The following ATE1 variants were observed in gnomAD, a reference collection of about 807,000 sequenced individuals.
ATE1 encodes arginyltransferase 1, also known as arginyl-tRNA--protein transferase 1.
Under a neutral mutation model 70.5 loss-of-function variants are expected in ATE1, and 36 were observed. That is an observed-to-expected ratio of 0.51 (90% CI 0.39 to 0.67). ATE1 has a LOEUF of 0.67. Ranked by LOEUF, ATE1 falls within the 30% of genes least tolerant of loss-of-function variation. ATE1 has a pLI of 0.00. For synonymous variants in ATE1, 232 were observed against 219.3 expected (o/e 1.06, Z -0.51); for missense variants, 593 against 629.5 (o/e 0.94, Z 0.62).
chr10:121,861,831 G>A (rs1564905443), intron 8 of ATE1, among the ~76,000 whole-genome samples: 3 of 151,696 alleles, frequency 2.0e-5, no homozygotes, highest in East Asian at 3.9e-4. Flanking sequence ...CTGAAGTACC[G>A]TAAGCCCTCA....
At chr10:121,811,708 A>C (rs1947325001) in intron 10 of ATE1, among the ~76,000 whole-genome samples, 1 of 152,212 alleles carries the variant, frequency 6.6e-6, no homozygotes. Context: ...AGAATTCAGC[A>C]AAACTCCTGG....
chr10:121,902,538 C>A lies in ATE1; in HGVS notation c.666G>T (p.Gln222His). The part of the protein sequence containing the change: ...RKERKRLKLM[Q>H]QNPAGELEGF... ...CCTCAAGTTCTCCAGCTGGGTTCTGCTGCATTAGTTTTAACCTTTTCCTTT... is the reference window on the plus strand; with the variant it reads ...CCTCAAGTTCTCCAGCTGGGTTCTGATGCATTAGTTTTAACCTTTTCCTTT... The change falls in exon 6 of 12, where the codon CAG becomes CAT. Residue 222 changes from glutamine to histidine, a missense_variant. Physicochemically the swap from Gln to His is conservative, Grantham distance 24. Around this residue, in one of 3 missense-constraint regions of ATE1, gnomAD observed 467 missense variants for 469.6 expected, o/e 0.99. Transcript: ENST00000224652. The A allele has an allele frequency of 6.2e-7, 1 of 1,614,196 alleles. No homozygotes were observed. Among genetic ancestry groups the A allele is most frequent in the Non-Finnish European group, 8.5e-7 (1 of 1,180,038 alleles).
In ATE1 at chr10:121,917,579, G is replaced by A. The variant is rs1951711179; in HGVS notation, c.234-3686C>T. Among the ~76,000 whole-genome samples, 3 of 151,908 alleles carry A rather than the reference G, an allele frequency of 2.0e-5. No individual in the cohort carries two copies. The South Asian group carries it at 6.2e-4, about 31-fold the overall frequency. On this transcript the variant is annotated intron_variant, in intron 3 of 11. Transcript: ENST00000224652. ...ATGTGGCAGGGAAACAGGGATAAGA[G>A]AAAACTAAATCCTTATCTTCCACAG...
At chr10:121,790,962 A>ATGTGTG (rs10670497) in intron 10 of ATE1, among the ~76,000 whole-genome samples, 384 of 150,962 alleles carry the variant, frequency 2.5e-3, no homozygotes, top group African/African-American at 6.9e-3. Context: ...GTATATATAT[A>ATGTGTG]TGTGTGTGTA....
At chr10:121,850,250 T>C (rs1326117872) in intron 8 of ATE1, among the ~76,000 whole-genome samples, 2 of 152,134 alleles carry the variant, frequency 1.3e-5, no homozygotes, top group African/African-American at 4.8e-5. Flanking sequence ...ACCTGTTTTT[T>C]AAAAAGAATC....
At chr10:121,869,078 C>G (rs559169197) in intron 8 of ATE1, among the ~76,000 whole-genome samples, 6 of 152,318 alleles carry the variant, frequency 3.9e-5, no homozygotes, top group African/African-American at 1.4e-4. Context: ...AGTCTCATCA[C>G]GTGGAGCTGA....
chr10:121,910,325 A>T (rs1951369719), intron 5 of ATE1, among the ~76,000 whole-genome samples: 1 of 152,218 alleles, frequency 6.6e-6, no homozygotes, highest in Non-Finnish European at 1.5e-5. Flanking sequence ...TTCACGAAAT[A>T]ATTTTAAAAG....
chr10:121,870,547 A>G lies in ATE1; in HGVS notation c.943-509T>C, dbSNP rs546586967. 1.4e-4 allele frequency among the ~76,000 whole-genome samples: 21 copies of G among 152,232 alleles called. No homozygotes were observed. In the South Asian group the frequency reaches 3.1e-3, roughly 23 times the overall value. On this transcript the variant is annotated intron_variant, in intron 7 of 11. Coordinates refer to ENST00000224652, the MANE Select transcript of ATE1 (RefSeq NM_001001976.3). ...AAGAAGGTGAGGTTTTAGCTCCACAATTTGGCATCTCATCTGTGGTCTTTA... is the reference window on the plus strand; with the variant it reads ...AAGAAGGTGAGGTTTTAGCTCCACAGTTTGGCATCTCATCTGTGGTCTTTA...
At chr10:121,901,648 G>C (rs1413508875) in intron 6 of ATE1, among the ~76,000 whole-genome samples, 1 of 152,014 alleles carries the variant, frequency 6.6e-6, no homozygotes, top group African/African-American at 2.4e-5. Flanking sequence ...TAGAGACGGG[G>C]TTTCACTGTG....
At chr10:121,744,477 A>G (rs1944267585) in intron 11 of ATE1, among the ~76,000 whole-genome samples, 1 of 152,100 alleles carries the variant, frequency 6.6e-6, no homozygotes, top group South Asian at 2.1e-4. Flanking sequence ...CTGGCACATG[A>G]TAAAGTTTAC....
At chr10:121,778,439 C>A (rs1420036917) in intron 11 of ATE1, among the ~76,000 whole-genome samples, 5 of 152,076 alleles carry the variant, frequency 3.3e-5, no homozygotes, top group Non-Finnish European at 4.4e-5. Flanking sequence ...CTTCATGCTC[C>A]TTTATGTTCA....
intron 8 of ATE1, among the ~76,000 whole-genome samples, chr10:121,861,185 C>T (rs1949453688): frequency 6.6e-6 from 1 of 152,088 alleles, no homozygotes; most frequent in African/African-American, 2.4e-5. Flanking sequence ...GGAAGACTGA[C>T]CCAGCCAAAA....
intron 7 of ATE1, among the ~76,000 whole-genome samples, chr10:121,886,762 C>A (rs1294260685): frequency 6.6e-6 from 1 of 152,144 alleles, no homozygotes; most frequent in Non-Finnish European, 1.5e-5. Context: ...TAGGGTAAAA[C>A]TGGTTTCCTT....
At chr10:121,763,352 C>A (rs1945135049) in intron 11 of ATE1, among the ~76,000 whole-genome samples, 1 of 152,062 alleles carries the variant, frequency 6.6e-6, no homozygotes, top group African/African-American at 2.4e-5. Flanking sequence ...CAAGTGGAAA[C>A]AACAAACATG....
chr10:121,876,253 C>T (rs1590598640), intron 7 of ATE1, among the ~76,000 whole-genome samples: 1 of 152,192 alleles, frequency 6.6e-6, no homozygotes, highest in African/African-American at 2.4e-5. Flanking sequence ...CCATAAAACA[C>T]TAATATGCAG....
At chr10:121,799,128 T>G (rs1027009865) in intron 10 of ATE1, among the ~76,000 whole-genome samples, 4 of 152,132 alleles carry the variant, frequency 2.6e-5, no homozygotes, top group African/African-American at 9.7e-5. Flanking sequence ...GGACTCCGCT[T>G]GACATCAAGG....
intron 7 of ATE1, among the ~76,000 whole-genome samples, chr10:121,879,447 C>T (rs770350948): frequency 1.3e-5 from 2 of 152,188 alleles, no homozygotes; most frequent in African/African-American, 4.8e-5. Flanking sequence ...ATCTTCCTCT[C>T]TAACACATAG....
intron 10 of ATE1, among the ~76,000 whole-genome samples, chr10:121,810,522 A>G (rs1421905558): frequency 6.6e-6 from 1 of 152,052 alleles, no homozygotes; most frequent in East Asian, 1.9e-4. Context: ...TGCCCGCCTC[A>G]GCCTCCCAAA....
intron 10 of ATE1, among the ~76,000 whole-genome samples, chr10:121,796,588 A>G (rs1564845200): frequency 6.6e-6 from 1 of 152,234 alleles, no homozygotes; most frequent in African/African-American, 2.4e-5. Flanking sequence ...GTAATATTCA[A>G]TGGTCTTTTT....
Sources: gnomAD v4.1 joint callset for allele counts (sites outside exome capture counted in the v4.1 genomes callset) on GRCh38, gnomAD v4.1.1 for gene constraint, gnomAD v4.1.1 regional missense constraint, MANE v1.5 for transcripts, NCBI Gene and HGNC (gene_info 2026-07-23, HGNC 2026-07-21) for gene names.